Variants in RARB observed in about 807,000 individuals in gnomAD.
RARB encodes HBV-activated protein.
In RARB, 17 loss-of-function variants were observed where a neutral mutation model predicts 51.9. The ratio of observed to expected loss-of-function variants is 0.33; its 90% CI spans 0.22 to 0.49. RARB has a LOEUF of 0.49. Among genes scored for constraint, RARB ranks in the 20% least tolerant of loss-of-function variants. The probability of loss-of-function intolerance (pLI) is 0.99; values close to 1 mark genes in which losing one functional copy is unlikely to be tolerated. For synonymous variants in RARB, 215 were observed against 195.4 expected (o/e 1.10, Z -0.84); for missense variants, 369 against 550.8 (o/e 0.67, Z 3.30).
chr3:25,559,092 C>A (rs886448801), intron 3 of RARB, among the ~76,000 whole-genome samples: 1 of 152,080 alleles, frequency 6.6e-6, no homozygotes, highest in Non-Finnish European at 1.5e-5. Context: ...CTGAATGAGA[C>A]CCCATCCTTT....
chr3:25,439,112 C>A (rs1022147076), intron 1 of RARB, among the ~76,000 whole-genome samples: 6 of 152,016 alleles, frequency 3.9e-5, no homozygotes, highest in Non-Finnish European at 8.8e-5. Flanking sequence ...TACTGGTAAC[C>A]CTTATCTAAA....
At chr3:25,426,942 AT>A (rs1312579760), upstream of RARB, among the ~76,000 whole-genome samples, 2 of 152,158 alleles carry the variant, frequency 1.3e-5, no homozygotes, top group African/African-American at 4.8e-5. Context: ...CTAAAAAATC[AT>A]TTTCCCTTAA....
chr3:25,005,925 C>T (rs572076988), intron 2 of RARB, among the ~76,000 whole-genome samples: 2 of 151,840 alleles, frequency 1.3e-5, no homozygotes, highest in Admixed American at 6.6e-5. Flanking sequence ...ACCTTTCTGA[C>T]TTCATCTCCT....
At chr3:25,215,348 G>C (rs1242840048) in intron 5 of RARB, among the ~76,000 whole-genome samples, 3 of 152,144 alleles carry the variant, frequency 2.0e-5, no homozygotes, top group Non-Finnish European at 1.5e-5. Flanking sequence ...TGTGGGAAAG[G>C]GTTTGACAAA....
intron 5 of RARB, among the ~76,000 whole-genome samples, chr3:25,333,307 T>C (rs979821236): frequency 1.3e-5 from 2 of 152,170 alleles, no homozygotes; most frequent in Non-Finnish European, 2.9e-5. Context: ...CAAAACAGCA[T>C]GGTACTGGTA....
At chr3:25,160,817 T>G (rs1420765249) in intron 4 of RARB, among the ~76,000 whole-genome samples, 1 of 152,170 alleles carries the variant, frequency 6.6e-6, no homozygotes, top group Non-Finnish European at 1.5e-5. Flanking sequence ...CTTGCCCTTT[T>G]CAGCTTCTAG....
chr3:25,493,226 C>G (rs1696834984), intron 2 of RARB, among the ~76,000 whole-genome samples: 1 of 152,146 alleles, frequency 6.6e-6, no homozygotes, highest in African/African-American at 2.4e-5. Context: ...CTCCCTCTCA[C>G]CCATTGTCTT....
chr3:24,944,346 G>A (rs914630524), intron 2 of RARB, among the ~76,000 whole-genome samples: 3 of 152,166 alleles, frequency 2.0e-5, no homozygotes, highest in Admixed American at 6.5e-5. Flanking sequence ...AACATTTGCC[G>A]TATGATTGTT....
intron 4 of RARB, among the ~76,000 whole-genome samples, chr3:25,580,208 G>A (rs1575537997): frequency 6.6e-6 from 1 of 152,158 alleles, no homozygotes; most frequent in Non-Finnish European, 1.5e-5. Context: ...CCCTGGCTCT[G>A]CTAAAAATAC....
At position 25,428,906 on chromosome 3, in the gene RARB, C is replaced by A; in HGVS notation, c.157+18C>A. 1.3e-6 allele frequency: 2 copies of A among 1,577,148 alleles called. No individual in the cohort carries two copies. The highest frequency in any genetic ancestry group is 1.7e-6 in the Non-Finnish European group (2 of 1,156,136). Reference sequence around the variant, plus strand: ...TGCTCAATGTAGGTTTATTTTTTTCCCTTCTTCTACCAAGAAAAAAAAAAT... The same window carrying A: ...TGCTCAATGTAGGTTTATTTTTTTCACTTCTTCTACCAAGAAAAAAAAAAT... On this transcript the variant is annotated intron_variant, in intron 1 of 7. Coordinates refer to ENST00000330688, the MANE Select transcript of RARB (RefSeq NM_000965.5).
chr3:25,248,931 A>G (rs1297843113), intron 5 of RARB, among the ~76,000 whole-genome samples: 1 of 152,090 alleles, frequency 6.6e-6, no homozygotes, highest in Non-Finnish European at 1.5e-5. Context: ...TTTTAATTAT[A>G]TCTTTTTGAA....
chr3:25,476,517 T>C (rs1001704281), intron 2 of RARB, among the ~76,000 whole-genome samples: 1 of 152,152 alleles, frequency 6.6e-6, no homozygotes, highest in East Asian at 1.9e-4. Flanking sequence ...ATAGGGTAGA[T>C]TTAGGAAAAA....
At chr3:25,361,807 G>A (rs879579970) in intron 5 of RARB, among the ~76,000 whole-genome samples, 10 of 152,206 alleles carry the variant, frequency 6.6e-5, no homozygotes, top group Admixed American at 1.3e-4. Context: ...ATCACCAGTG[G>A]AGGCTGCAGA....
intron 2 of RARB, among the ~76,000 whole-genome samples, chr3:24,984,109 C>T (rs1696736112): frequency 6.6e-6 from 1 of 152,118 alleles, no homozygotes; most frequent in African/African-American, 2.4e-5. Context: ...AACCCACAGT[C>T]ATTACAATGA....
chr3:25,263,284 T>C (rs769354091), intron 5 of RARB, among the ~76,000 whole-genome samples: 3 of 152,214 alleles, frequency 2.0e-5, no homozygotes, highest in Non-Finnish European at 2.9e-5. Context: ...ATTTAGTCTT[T>C]ACAACAGTCT....
chr3:25,465,099 G>T (rs184204710), intron 2 of RARB, among the ~76,000 whole-genome samples: 21 of 152,192 alleles, frequency 1.4e-4, no homozygotes, highest in African/African-American at 2.4e-4. Context: ...TAGATCACTG[G>T]CTTTGTATAT....
intron 2 of RARB, among the ~76,000 whole-genome samples, chr3:25,005,958 C>T (rs1697263171): frequency 6.6e-6 from 1 of 152,124 alleles, no homozygotes; most frequent in Non-Finnish European, 1.5e-5. Context: ...TTCTTATATA[C>T]TCCAGTTATA....
At chr3:25,570,429 G>A (rs1041346674) in intron 4 of RARB, among the ~76,000 whole-genome samples, 1 of 152,200 alleles carries the variant, frequency 6.6e-6, no homozygotes. Flanking sequence ...TGCCTTCTGT[G>A]AGAGGACATG....
At chr3:25,586,014 G>A (rs1045680497) in intron 5 of RARB, among the ~76,000 whole-genome samples, 1 of 152,298 alleles carries the variant, frequency 6.6e-6, no homozygotes, top group Admixed American at 6.5e-5. Flanking sequence ...GGGCAGGCCA[G>A]GCGGGGTTGA....
Sources: allele counts gnomAD v4.1 joint callset (sites outside exome capture counted in the v4.1 genomes callset), GRCh38; gene constraint gnomAD v4.1.1; transcripts MANE v1.5; gene names NCBI Gene and HGNC (gene_info 2026-07-23, HGNC 2026-07-21).